Variants in ME3 observed in about 807,000 individuals in gnomAD.
ME3 encodes NADP-dependent malic enzyme, mitochondrial.
A neutral mutation model predicts 68.9 loss-of-function variants in ME3; 48 were observed. That is an observed-to-expected ratio of 0.70 (90% CI 0.55 to 0.89). The LOEUF (loss-of-function observed/expected upper bound fraction) is 0.89. ME3 is among the 40% of genes least tolerant of loss of function. The pLI is 0.00. For synonymous variants in ME3, 320 were observed against 318.8 expected (o/e 1.00, Z -0.04); for missense variants, 675 against 797.4 (o/e 0.85, Z 1.85).
intron 2 of ME3, among the ~76,000 whole-genome samples, chr11:86,601,409 G>T (rs879831221): frequency 2.1e-4 from 32 of 152,270 alleles, no homozygotes; most frequent in South Asian, 8.3e-4. Context: ...CCAGGAAGAA[G>T]TTGAATCTCT....
At chr11:86,651,042 G>T (rs942803089) in intron 2 of ME3, among the ~76,000 whole-genome samples, 2 of 152,236 alleles carry the variant, frequency 1.3e-5, no homozygotes, top group African/African-American at 4.8e-5. Flanking sequence ...CAGCGAGGCT[G>T]GGGGAGGGGC....
chr11:86,525,954 C>T lies in ME3; in HGVS notation c.468-17087G>A, dbSNP rs1013689547. ...CTCCCAGCGTGAGCAACAGAGAAGA[C>T]GTATGATTTCTGCATTTCCAACTGA... On this transcript the variant is annotated intron_variant, in intron 4 of 14. Transcript: ENST00000543262. Among the ~76,000 whole-genome samples the T allele has an allele frequency of 5.3e-5, 8 of 151,810 alleles. No individual in the cohort carries two copies. The East Asian group carries it at 1.4e-3, about 26-fold the overall frequency.
intron 7 of ME3, among the ~76,000 whole-genome samples, chr11:86,468,097 T>C (rs1308402084): frequency 6.6e-6 from 1 of 152,178 alleles, no homozygotes; most frequent in Non-Finnish European, 1.5e-5. Flanking sequence ...CATCTCAGTC[T>C]CTGACCACAG....
intron 12 of ME3, chr11:86,446,744 G>A: frequency 1.7e-6 from 1 of 596,148 alleles, no homozygotes; most frequent in Admixed American, 3.0e-5. Context: ...CTCCTGGTGG[G>A]GCCAACCCAG....
At chr11:86,610,902 A>G (rs1261880856) in intron 2 of ME3, among the ~76,000 whole-genome samples, 1 of 152,230 alleles carries the variant, frequency 6.6e-6, no homozygotes, top group Admixed American at 6.5e-5. Context: ...CAGAAAAGCC[A>G]GGCACAGTGG....
chr11:86,655,523 G>T (rs182988720), intron 2 of ME3, among the ~76,000 whole-genome samples: 5,961 of 152,174 alleles, frequency 0.039, 169 homozygotes, highest in Non-Finnish European at 0.06. Context: ...AATAAATGGT[G>T]CTGGGAAAAC....
rs115647692 is a variant in ME3 at position 86,605,578 on chromosome 11, C to A, written c.184-45755G>T. On this transcript the variant is annotated intron_variant, in intron 2 of 14. Coordinates refer to ENST00000543262, the Ensembl canonical transcript of ME3. Reference sequence around the variant, plus strand: ...CAGAGTGCCTTCTAGCCATGACAATCTATGACCTGGCATTTTCTGTATGAA... The same window carrying A: ...CAGAGTGCCTTCTAGCCATGACAATATATGACCTGGCATTTTCTGTATGAA... 6.2e-3 allele frequency among the ~76,000 whole-genome samples: 952 copies of A among 152,322 alleles called. 11 individuals carry two copies. Among genetic ancestry groups the A allele is most frequent in the African/African-American group, 0.022 (894 of 41,566 alleles).
chr11:86,659,291 T>G (rs917470594), intron 2 of ME3, among the ~76,000 whole-genome samples: 1 of 152,216 alleles, frequency 6.6e-6, no homozygotes, highest in Non-Finnish European at 1.5e-5. Context: ...TCAAAAGCCC[T>G]CTGCCTAAGT....
chr11:86,504,937 C>T (rs12294332), intron 5 of ME3, among the ~76,000 whole-genome samples: 1,656 of 152,200 alleles, frequency 0.011, 34 homozygotes, highest in African/African-American at 0.037. Context: ...GTGATCCGCC[C>T]GCCTCAGCCT....
intron 4 of ME3, among the ~76,000 whole-genome samples, chr11:86,519,753 A>T (rs1369984540): frequency 2.0e-5 from 3 of 152,254 alleles, no homozygotes; most frequent in Non-Finnish European, 4.4e-5. Flanking sequence ...GCAAGAAAAC[A>T]TAGCTAGGTC....
intron 2 of ME3, among the ~76,000 whole-genome samples, chr11:86,560,706 G>A (rs983360922): frequency 2.5e-5 from 1 of 40,686 alleles, no homozygotes. Flanking sequence ...ATAATGATAT[G>A]TGTGTGTGTG....
chr11:86,465,266 C>T (rs1021088348), intron 7 of ME3, 66 bp from the exon 8 acceptor site: 1 of 1,192,348 alleles, frequency 8.4e-7, no homozygotes, highest in African/African-American at 1.5e-5. Flanking sequence ...CAGATCCCAG[C>T]TTGCACAGTG....
chr11:86,653,220 G>A (rs1594793209), intron 2 of ME3, among the ~76,000 whole-genome samples: 2 of 152,172 alleles, frequency 1.3e-5, no homozygotes, highest in East Asian at 1.9e-4. Flanking sequence ...CCCAGGAATT[G>A]AACTCACCTC....
intron 7 of ME3, among the ~76,000 whole-genome samples, chr11:86,474,731 C>A (rs1167387916): frequency 6.6e-6 from 1 of 152,210 alleles, no homozygotes; most frequent in African/African-American, 2.4e-5. Flanking sequence ...GGAATAAGGT[C>A]ATGACTTTTA....
intron 5 of ME3, among the ~76,000 whole-genome samples, chr11:86,507,008 C>G (rs1953128382): frequency 6.6e-6 from 1 of 152,090 alleles, no homozygotes; most frequent in African/African-American, 2.4e-5. Flanking sequence ...AAAATGATAC[C>G]CAGACACAGA....
chr11:86,441,509 G>A, intron 14 of ME3, 69 bp from the exon 15 acceptor site: 3 of 1,428,954 alleles, frequency 2.1e-6, no homozygotes, highest in Middle Eastern at 4.0e-4. Flanking sequence ...CCTTGCTTGG[G>A]AGCATGGGGG....
intron 2 of ME3, among the ~76,000 whole-genome samples, chr11:86,609,267 G>A (rs1335232150): frequency 6.6e-6 from 1 of 152,156 alleles, no homozygotes; most frequent in East Asian, 1.9e-4. Context: ...TGCCATTAAT[G>A]TGTGGTTGAT....
At chr11:86,669,128 G>A (rs1206861076) in intron 2 of ME3, among the ~76,000 whole-genome samples, 2 of 152,216 alleles carry the variant, frequency 1.3e-5, no homozygotes, top group South Asian at 4.1e-4. Flanking sequence ...CCAGAGGGTG[G>A]CACTCCAGTG....
chr11:86,657,951 C>T (rs910533330), intron 2 of ME3, among the ~76,000 whole-genome samples: 5 of 152,034 alleles, frequency 3.3e-5, no homozygotes, highest in Admixed American at 3.3e-4. Context: ...GACATGAGTT[C>T]TAGGACAGGA....
Sources: allele counts gnomAD v4.1 joint callset (sites outside exome capture counted in the v4.1 genomes callset), GRCh38; gene constraint gnomAD v4.1.1; transcripts MANE v1.5; gene names NCBI Gene and HGNC (gene_info 2026-07-23, HGNC 2026-07-21).